PTTG1IP2: variants seen among roughly 807,000 people sequenced by gnomAD.
The protein encoded by PTTG1IP2 is PTTG1IP family member 2.
chr7:90,484,134 G>A (rs925754910), intron 2 of PTTG1IP2, among the ~76,000 whole-genome samples: 4 of 150,238 alleles, frequency 2.7e-5, no homozygotes, highest in African/African-American at 9.8e-5. Flanking sequence ...TTTATTTCTG[G>A]TACCAATATC....
chr7:90,484,187 C>T (rs1293339747), intron 2 of PTTG1IP2, among the ~76,000 whole-genome samples: 2 of 151,206 alleles, frequency 1.3e-5, no homozygotes, highest in African/African-American at 4.9e-5. Context: ...TCTTTTTTCC[C>T]CGAATCTGCT....
At chr7:90,502,790 T>C (rs1351947653) in intron 6 of PTTG1IP2, among the ~76,000 whole-genome samples, 1 of 152,208 alleles carries the variant, frequency 6.6e-6, no homozygotes, top group African/African-American at 2.4e-5. Context: ...GCTTTGGCAT[T>C]CCATTTATAG....
chr7:90,483,677 C>T (rs1336877977), intron 2 of PTTG1IP2, among the ~76,000 whole-genome samples: 1 of 152,196 alleles, frequency 6.6e-6, no homozygotes, highest in South Asian at 2.1e-4. Context: ...GACTCAATAA[C>T]CAAATGCAAA....
intron 2 of PTTG1IP2, among the ~76,000 whole-genome samples, chr7:90,485,359 G>GC (rs1365599139): frequency 6.6e-6 from 1 of 152,028 alleles, no homozygotes; most frequent in East Asian, 1.9e-4. Context: ...ATCAGCTACT[G>GC]CCCCCAGCTC....
At chr7:90,498,120 G>A (rs547132455) in intron 6 of PTTG1IP2, among the ~76,000 whole-genome samples, 6 of 150,828 alleles carry the variant, frequency 4.0e-5, no homozygotes, top group East Asian at 4.0e-4. Flanking sequence ...TTGCCTCCCC[G>A]GCTCACGCCA....
intron 2 of PTTG1IP2, among the ~76,000 whole-genome samples, chr7:90,480,826 G>T (rs1393677350): frequency 1.3e-5 from 2 of 151,942 alleles, no homozygotes; most frequent in African/African-American, 2.4e-5. Context: ...CAACTTACTT[G>T]TTGGAGAAAC....
intron 2 of PTTG1IP2, among the ~76,000 whole-genome samples, chr7:90,484,746 G>A (rs927945197): frequency 2.0e-5 from 3 of 152,152 alleles, no homozygotes; most frequent in Non-Finnish European, 2.9e-5. Context: ...GAATTCATTG[G>A]CTTACAATAT....
intron 6 of PTTG1IP2, among the ~76,000 whole-genome samples, chr7:90,502,634 A>C (rs1343591526): frequency 2.6e-5 from 4 of 152,220 alleles, no homozygotes; most frequent in African/African-American, 9.6e-5. Context: ...CTTTGTGTAC[A>C]TCTCCATCAG....
At chr7:90,484,059 C>G (rs1797841887) in intron 2 of PTTG1IP2, among the ~76,000 whole-genome samples, 1 of 151,698 alleles carries the variant, frequency 6.6e-6, no homozygotes, top group South Asian at 2.1e-4. Context: ...TCACATCATG[C>G]TCAAAATTTC....
intron 6 of PTTG1IP2, among the ~76,000 whole-genome samples, chr7:90,509,927 G>A (rs563300132): frequency 6.6e-6 from 1 of 152,302 alleles, no homozygotes; most frequent in East Asian, 1.9e-4. Flanking sequence ...GTACTAAGAC[G>A]CACTTCACTA....
At chr7:90,493,831 C>A (rs1396506861) in intron 5 of PTTG1IP2, among the ~76,000 whole-genome samples, 1 of 152,190 alleles carries the variant, frequency 6.6e-6, no homozygotes, top group Non-Finnish European at 1.5e-5. Context: ...GTCCTCTGGA[C>A]TTACACATTG....
intron 3 of PTTG1IP2, among the ~76,000 whole-genome samples, chr7:90,488,362 A>G (rs1797900714): frequency 6.6e-6 from 1 of 151,988 alleles, no homozygotes. Flanking sequence ...GTTTCATTTT[A>G]CAACATACCA....
chr7:90,497,452 T>G (rs914069284), intron 6 of PTTG1IP2, among the ~76,000 whole-genome samples: 2 of 150,320 alleles, frequency 1.3e-5, no homozygotes, highest in Middle Eastern at 7.0e-3. Flanking sequence ...TAGTCCCAGC[T>G]ACTCGGGAGG....
intron 4 of PTTG1IP2, among the ~76,000 whole-genome samples, chr7:90,491,730 A>C (rs1439412638): frequency 6.6e-6 from 1 of 152,062 alleles, no homozygotes; most frequent in Admixed American, 6.6e-5. Flanking sequence ...TTGCTAGCTT[A>C]TTGATATTTT....
chr7:90,510,965 T>C (rs1050078258), intron 6 of PTTG1IP2, among the ~76,000 whole-genome samples: 12 of 152,370 alleles, frequency 7.9e-5, no homozygotes, highest in African/African-American at 2.2e-4. Flanking sequence ...AATTTTGTTT[T>C]GCAGACATCG....
chr7:90,489,444 C>G (rs1797914321), intron 4 of PTTG1IP2, among the ~76,000 whole-genome samples: 1 of 151,384 alleles, frequency 6.6e-6, no homozygotes, highest in African/African-American at 2.4e-5. Context: ...ACTAATATTT[C>G]TCCTGTTGAC....
intron 3 of PTTG1IP2, 102 bp from the exon 4 acceptor site, chr7:90,488,769 A>G (rs1233349936): frequency 2.0e-5 from 3 of 152,058 alleles, no homozygotes; most frequent in Non-Finnish European, 4.4e-5. Context: ...TTCAATAATC[A>G]TTTGTTAAAG....
At chr7:90,499,828 A>C (rs112746897) in intron 6 of PTTG1IP2, among the ~76,000 whole-genome samples, 17,593 of 152,000 alleles carry the variant, frequency 0.12, 1,249 homozygotes, top group Middle Eastern at 0.21. Flanking sequence ...AGTGATCCGC[A>C]TGCCTCAGCC....
In PTTG1IP2 at chr7:90,498,883, G is replaced by A. The variant is rs17865078; in HGVS notation, c.*50+4453G>A. 5.4e-3 allele frequency among the ~76,000 whole-genome samples: 821 copies of A among 152,034 alleles called. 9 individuals are homozygous for A. Among genetic ancestry groups the A allele is most frequent in the African/African-American group, 0.019 (785 of 41,438 alleles). The stretch of plus-strand genomic sequence containing the variant: ...TTTCTTTTCTTTGAGACAGGGTCTC[G>A]CTCTGTCAGCCAGGCTGGGGTGCAG... On this transcript the variant is annotated intron_variant, in intron 6 of 6. Transcript: ENST00000509356.
Sources: gnomAD v4.1 joint callset for allele counts (sites outside exome capture counted in the v4.1 genomes callset) on GRCh38, gnomAD v4.1.1 for gene constraint, MANE v1.5 for transcripts, NCBI Gene and HGNC (gene_info 2026-07-23, HGNC 2026-07-21) for gene names.